The following ST6GALNAC5 variants were observed in gnomAD, a reference collection of about 807,000 sequenced individuals.
The protein encoded by ST6GALNAC5 is ST6 N-acetylgalactosaminide alpha-2,6-sialyltransferase 5, also known as alpha-N-acetylgalactosaminide alpha-2,6-sialyltransferase 5.
In ST6GALNAC5, 27 loss-of-function variants were observed where a neutral mutation model predicts 33.6. The ratio of observed to expected loss-of-function variants is 0.80; its 90% CI spans 0.59 to 1.11. ST6GALNAC5 has a LOEUF of 1.11. Among genes scored for constraint, ST6GALNAC5 ranks in the 50% least tolerant of loss-of-function variants. The pLI is 0.00. For missense variants in ST6GALNAC5, 428 were observed against 454.0 expected, an observed-to-expected ratio of 0.94 and a Z score of 0.52; for synonymous variants, 194 against 171.2, an observed-to-expected ratio of 1.13 and a Z score of -1.04.
At chr1:77,000,579 T>G (rs1650110340) in intron 2 of ST6GALNAC5, among the ~76,000 whole-genome samples, 1 of 148,088 alleles carries the variant, frequency 6.8e-6, no homozygotes, top group South Asian at 2.3e-4. Flanking sequence ...GCCTATGTCC[T>G]GAATGGTAAT....
chr1:76,958,366 C>T (rs541598406), intron 2 of ST6GALNAC5, among the ~76,000 whole-genome samples: 15 of 152,180 alleles, frequency 9.9e-5, no homozygotes, highest in Admixed American at 1.3e-4. Context: ...AGTTTTCTTC[C>T]GCTATGTAGT....
At chr1:76,898,024 A>T (rs140649157) in intron 2 of ST6GALNAC5, among the ~76,000 whole-genome samples, 2,759 of 152,344 alleles carry the variant, frequency 0.018, 85 homozygotes, top group African/African-American at 0.062. Flanking sequence ...GCAATCGGAC[A>T]GAGTCAGTCT....
chr1:76,964,207 T>A (rs548641152), intron 2 of ST6GALNAC5, among the ~76,000 whole-genome samples: 41 of 151,520 alleles, frequency 2.7e-4, no homozygotes, highest in Non-Finnish European at 5.6e-4. Flanking sequence ...ACAGCAGCTA[T>A]AAAAAAAAAT....
chr1:76,966,624 C>A (rs1374288620), intron 2 of ST6GALNAC5, among the ~76,000 whole-genome samples: 1 of 152,194 alleles, frequency 6.6e-6, no homozygotes, highest in Non-Finnish European at 1.5e-5. Flanking sequence ...GCCAGAACTT[C>A]CAACACTATG....
intron 2 of ST6GALNAC5, among the ~76,000 whole-genome samples, chr1:77,025,089 T>C: frequency 6.6e-6 from 1 of 152,224 alleles, no homozygotes; most frequent in East Asian, 1.9e-4. Context: ...GATTCTGAAG[T>C]CTTGCACTCC....
intron 2 of ST6GALNAC5, among the ~76,000 whole-genome samples, chr1:76,874,763 C>A (rs1472160397): frequency 6.6e-6 from 1 of 152,178 alleles, no homozygotes; most frequent in Admixed American, 6.5e-5. Context: ...CGAAGACACA[C>A]CCAGGATTAA....
At chr1:77,054,233 G>A (rs907391252) in intron 4 of ST6GALNAC5, among the ~76,000 whole-genome samples, 2 of 152,136 alleles carry the variant, frequency 1.3e-5, no homozygotes, top group African/African-American at 4.8e-5. Flanking sequence ...CTCTCTGCCT[G>A]TCAGCAGCAT....
chr1:76,946,225 T>C lies in ST6GALNAC5; in HGVS notation c.261+77483T>C, dbSNP rs957812635. ...TGATGTAAATTAGACACCGAAAGTA[T>C]ACACTTTACCTCCACTATTATTGAT... On this transcript the variant is annotated intron_variant, in intron 2 of 4. Coordinates refer to ENST00000477717, the MANE Select transcript of ST6GALNAC5 (RefSeq NM_030965.3). Among the ~76,000 whole-genome samples the C allele has an allele frequency of 1.1e-3, 167 of 152,098 alleles. 1 individual carries two copies. The highest frequency in any genetic ancestry group is 3.8e-4 in the Non-Finnish European group (26 of 67,992).
At chr1:76,914,910 C>T (rs1646953474) in intron 2 of ST6GALNAC5, among the ~76,000 whole-genome samples, 1 of 151,726 alleles carries the variant, frequency 6.6e-6, no homozygotes, top group Non-Finnish European at 1.5e-5. Context: ...AGGCAACCTA[C>T]AAAATGGGAG....
intron 2 of ST6GALNAC5, among the ~76,000 whole-genome samples, chr1:76,905,420 G>A (rs996787840): frequency 2.0e-5 from 3 of 152,176 alleles, no homozygotes; most frequent in Non-Finnish European, 4.4e-5. Flanking sequence ...GTCAGGCTGT[G>A]AGACACCCTC....
chr1:76,968,050 T>C (rs1351606325), intron 2 of ST6GALNAC5, among the ~76,000 whole-genome samples: 1 of 152,198 alleles, frequency 6.6e-6, no homozygotes, highest in Non-Finnish European at 1.5e-5. Context: ...GAGAAGAATG[T>C]ATATTCTGTT....
chr1:76,877,067 A>G (rs890424355), intron 2 of ST6GALNAC5, among the ~76,000 whole-genome samples: 1 of 152,186 alleles, frequency 6.6e-6, no homozygotes, highest in African/African-American at 2.4e-5. Flanking sequence ...TGGGCCAGAA[A>G]ACACTCAGTT....
At chr1:77,009,203 A>G (rs1315077550) in intron 2 of ST6GALNAC5, among the ~76,000 whole-genome samples, 1 of 152,206 alleles carries the variant, frequency 6.6e-6, no homozygotes, top group Non-Finnish European at 1.5e-5. Flanking sequence ...ACTTTCCACC[A>G]GACTTTATGG....
intron 2 of ST6GALNAC5, among the ~76,000 whole-genome samples, chr1:77,015,296 G>T (rs1317118733): frequency 2.0e-5 from 3 of 152,294 alleles, no homozygotes; most frequent in East Asian, 1.9e-4. Flanking sequence ...CAGAAAAACA[G>T]GTTGTTAATC....
chr1:76,985,667 C>G (rs1440022250), intron 2 of ST6GALNAC5, among the ~76,000 whole-genome samples: 1 of 152,090 alleles, frequency 6.6e-6, no homozygotes, highest in East Asian at 1.9e-4. Flanking sequence ...CTTTAAAGTT[C>G]ATATGAAGCA....
At chr1:76,925,791 G>A (rs1353130392) in intron 2 of ST6GALNAC5, among the ~76,000 whole-genome samples, 1 of 151,948 alleles carries the variant, frequency 6.6e-6, no homozygotes, top group Non-Finnish European at 1.5e-5. Context: ...CCTTTTCAAA[G>A]ACTCTGTTTT....
chr1:77,038,794 A>G (rs1309504308), intron 2 of ST6GALNAC5, among the ~76,000 whole-genome samples: 1 of 152,194 alleles, frequency 6.6e-6, no homozygotes. Flanking sequence ...CCACAGCCCA[A>G]AGGAGTTAGT....
rs779764875 is a variant in ST6GALNAC5, at chr1:76,868,685, C to T, written c.204C>T (p.Pro68=). ...CGGAGAGCAGCACCCAGCAGCGCCC[C>T]GGGGTCCCCGCGGGACCGCGGCCAC... ...PAAESSTQQR[P]GVPAGPRPLD... The change falls in exon 2 of 5, where the codon CCC becomes CCT. Residue 68 remains proline (P), a synonymous_variant. Transcript: ENST00000477717. This position sits in a 1 kb window ranked among gnomAD's most constrained non-coding sequence, Gnocchi z 4.3. The T allele has an allele frequency of 7.1e-6, 11 of 1,555,316 alleles. No individual in the cohort carries two copies. Among genetic ancestry groups the T allele is most frequent in the South Asian group, 4.7e-5 (4 of 85,754 alleles).
intron 3 of ST6GALNAC5, among the ~76,000 whole-genome samples, chr1:77,048,985 G>T (rs573462900): frequency 6.6e-6 from 1 of 152,202 alleles, no homozygotes; most frequent in African/African-American, 2.4e-5. Context: ...TATGCTTTCT[G>T]GGATGTTACT....
Sources: allele counts gnomAD v4.1 joint callset (sites outside exome capture counted in the v4.1 genomes callset), GRCh38; gene constraint gnomAD v4.1.1; non-coding constraint Gnocchi (gnomAD v3.1); transcripts MANE v1.5; gene names NCBI Gene and HGNC (gene_info 2026-07-23, HGNC 2026-07-21).